HECTD4: variants seen among roughly 807,000 people sequenced by gnomAD.
The protein encoded by HECTD4 is HECT domain E3 ubiquitin protein ligase 4.
HECTD4 carries 114 observed loss-of-function variants against 471.5 expected under a neutral mutation model. The observed-to-expected ratio is 0.24, with a 90% CI of 0.21 to 0.28. The LOEUF (loss-of-function observed/expected upper bound fraction) is 0.28. Ranked by LOEUF, HECTD4 falls within the 10% of genes least tolerant of loss-of-function variation. HECTD4 has a pLI of 1.00. For missense variants in HECTD4, 3,866 were observed against 5,651.5 expected (o/e 0.68, Z 10.13); for synonymous variants, 2,012 against 2,256.0 (o/e 0.89, Z 3.07).
At chr12:112,241,142 T>C (rs554632746) in intron 32 of HECTD4, among the ~76,000 whole-genome samples, 4 of 152,320 alleles carry the variant, frequency 2.6e-5, no homozygotes, top group African/African-American at 4.8e-5. Context: ...GGTGTACTTG[T>C]AGGTGATTTT....
At position 112,194,651 on chromosome 12, in the gene HECTD4, T is replaced by C. The variant is rs1461302424; in HGVS notation, c.8749+234A>G. ...TAATTTTCCTTGATCCACAATTACGTTGGGAAACTTGATGAATGCTTAACA... is the reference window on the plus strand; with the variant it reads ...TAATTTTCCTTGATCCACAATTACGCTGGGAAACTTGATGAATGCTTAACA... On this transcript the variant is annotated intron_variant, in intron 56 of 75. Transcript: ENST00000682272. The surrounding 1 kb of genome is among the most constrained non-coding windows in gnomAD (Gnocchi z 4.6). 2.0e-5 allele frequency among the ~76,000 whole-genome samples: 3 copies of C among 152,360 alleles called. No homozygotes were observed. Among genetic ancestry groups the C allele is most frequent in the East Asian group, 1.9e-4 (1 of 5,194 alleles).
intron 32 of HECTD4, among the ~76,000 whole-genome samples, chr12:112,242,016 AT>A (rs2033652375): frequency 1.3e-5 from 2 of 152,146 alleles, no homozygotes; most frequent in African/African-American, 4.8e-5. Flanking sequence ...AGAGAAATGC[AT>A]TTTCTATTTC....
chr12:112,163,553 C>T lies in HECTD4; in HGVS notation c.12886G>A (p.Glu4296Lys), dbSNP rs1207183924. 2 of 1,471,238 alleles carry T rather than the reference C, an allele frequency of 1.4e-6. No individual in the cohort carries two copies. Among genetic ancestry groups the T allele is most frequent in the East Asian group, 2.5e-5 (1 of 39,672 alleles). The allele number at this position is 1,471,238 out of a possible 1,614,324, so 91.1% of individuals were successfully genotyped here. The change falls in exon 74 of 76, where the codon GAG (glutamate) becomes AAG (lysine). Residue 4296 changes from glutamate to lysine, a missense_variant. By Grantham distance (56) the Glu-to-Lys change is moderately conservative. Coordinates refer to ENST00000682272, the MANE Select transcript of HECTD4 (RefSeq NM_001388303.1). This position sits in a 1 kb window ranked among gnomAD's most constrained non-coding sequence, Gnocchi z 8.2. The stretch of plus-strand genomic sequence containing the variant: ...CCTGGGATGTCTACCTTGAGGAACT[C>T]GAGGTTGATGTAGGGGAGGCCGCAG... ...RTCGLPYINL[E>K]FLKAHTMYQV...
At chr12:112,307,375 T>C (rs188170048) in intron 6 of HECTD4, among the ~76,000 whole-genome samples, 11 of 152,352 alleles carry the variant, frequency 7.2e-5, no homozygotes, top group African/African-American at 1.4e-4. Flanking sequence ...AAGTGCTCCA[T>C]TGCAATGCAC....
intron 50 of HECTD4, 96 bp from the exon 51 acceptor site, chr12:112,208,726 G>C: frequency 8.8e-7 from 1 of 1,132,170 alleles, no homozygotes; most frequent in Middle Eastern, 2.1e-4. Context: ...ATCTTAATTT[G>C]CATGATAGGA....
chr12:112,190,717 T>A, intron 60 of HECTD4, 69 bp downstream of exon 60: 1 of 1,444,806 alleles, frequency 6.9e-7, no homozygotes, highest in Non-Finnish European at 9.3e-7. Context: ...CCTGGCAAGC[T>A]CCTTCCTCAG....
At chr12:112,310,171 T>C (rs1203177086) in intron 4 of HECTD4, among the ~76,000 whole-genome samples, 1 of 152,186 alleles carries the variant, frequency 6.6e-6, no homozygotes, top group African/African-American at 2.4e-5. Flanking sequence ...GTTACAGTGA[T>C]GGCCAGATGA....
chr12:112,227,450 A>C (rs1049916962), intron 43 of HECTD4, among the ~76,000 whole-genome samples: 4 of 151,730 alleles, frequency 2.6e-5, no homozygotes, highest in Non-Finnish European at 5.9e-5. Context: ...ACACAGCAAG[A>C]CTCTGTGTCC....
intron 4 of HECTD4, 114 bp downstream of exon 4, chr12:112,312,903 A>T: frequency 1.3e-6 from 1 of 771,678 alleles, no homozygotes; most frequent in Non-Finnish European, 2.0e-6. Context: ...AGAAATCTGG[A>T]GCTCTTAATT....
chr12:112,278,245 G>A (rs1384955670), intron 9 of HECTD4, among the ~76,000 whole-genome samples: 2 of 152,024 alleles, frequency 1.3e-5, no homozygotes, highest in Non-Finnish European at 2.9e-5. Flanking sequence ...TTTCTTTTTG[G>A]GGTGACGGAT....
intron 45 of HECTD4, among the ~76,000 whole-genome samples, chr12:112,218,269 ATGGGGTAAG>A (rs367887188): frequency 1.3e-5 from 2 of 152,204 alleles, no homozygotes; most frequent in African/African-American, 4.8e-5. Context: ...GTATATATTT[ATGGGGTAAG>A]TCAATGGTTT....
At chr12:112,377,455 C>A (rs1302634599) in intron 1 of HECTD4, among the ~76,000 whole-genome samples, 1 of 152,174 alleles carries the variant, frequency 6.6e-6, no homozygotes, top group Non-Finnish European at 1.5e-5. Flanking sequence ...ATTTTATCCA[C>A]TGCTATATCC....
At chr12:112,216,717 C>A in intron 47 of HECTD4, 56 bp downstream of exon 47, 1 of 1,590,220 alleles carries the variant, frequency 6.3e-7, no homozygotes, top group Non-Finnish European at 8.6e-7. Flanking sequence ...AACACCTATA[C>A]ACACCTTGTG....
intron 54 of HECTD4, chr12:112,201,064 C>T (rs533384176): frequency 1.9e-6 from 1 of 527,818 alleles, no homozygotes; most frequent in South Asian, 1.6e-5. Flanking sequence ...AAGAAAATAA[C>T]AAAATAACAA....
At chr12:112,238,778 T>C (rs960355128) in intron 34 of HECTD4, among the ~76,000 whole-genome samples, 1 of 152,162 alleles carries the variant, frequency 6.6e-6, no homozygotes, top group African/African-American at 2.4e-5. Context: ...CTAGCAGTAT[T>C]GACAAGGAGA....
chr12:112,176,786 T>G, intron 64 of HECTD4, 84 bp from the exon 65 acceptor site: 2 of 1,041,954 alleles, frequency 1.9e-6, no homozygotes, highest in Non-Finnish European at 1.5e-6. Context: ...AGTCATTCAT[T>G]CCTGCTCCCT....
At position 112,170,071 on chromosome 12, in the gene HECTD4, A is replaced by G. The variant is rs1593889831; in HGVS notation, c.12052+262T>C. ...TGGAATCCCCATTTTTGGCAGGCAC[A>G]TGGCTGATCAGAGCAAAGCCTGCCC... On this transcript the variant is annotated intron_variant, in intron 69 of 75. Transcript: ENST00000682272. 8.9e-6 allele frequency: 5 copies of G among 564,768 alleles called. No homozygotes were observed. In the East Asian group the frequency reaches 9.1e-5, roughly 10 times the overall value. The allele number at this position is 564,768 out of a possible 1,614,324, so 35.0% of individuals were successfully genotyped here. A position where few individuals can be genotyped will look rare whatever the true frequency, so the allele number is the denominator to read the frequency against.
rs1358170684 is a variant in HECTD4, at chr12:112,235,427, C to T, written c.5725+77G>A. 4 of 1,523,674 alleles carry T rather than the reference C, an allele frequency of 2.6e-6. No homozygotes were observed. The African/African-American group carries it at 5.5e-5, about 21-fold the overall frequency. The allele number at this position is 1,523,674 out of a possible 1,614,324, so 94.4% of individuals were successfully genotyped here. On this transcript the variant is annotated intron_variant, in intron 36 of 75. Transcript: ENST00000682272. This position sits in a 1 kb window ranked among gnomAD's most constrained non-coding sequence, Gnocchi z 5.0. ...TCACTCACTCTTTCATCATAGGAAGCACAGATGCAAGGGGGACCTGACTGG... is the reference window on the plus strand; with the variant it reads ...TCACTCACTCTTTCATCATAGGAAGTACAGATGCAAGGGGGACCTGACTGG...
intron 11 of HECTD4, among the ~76,000 whole-genome samples, chr12:112,272,814 T>C (rs1267424506): frequency 1.3e-5 from 2 of 152,214 alleles, no homozygotes; most frequent in Admixed American, 1.3e-4. Flanking sequence ...TTACTGACAA[T>C]GCTACTGGAC....
Sources: gnomAD v4.1 joint callset for allele counts (sites outside exome capture counted in the v4.1 genomes callset) on GRCh38, gnomAD v4.1.1 for gene constraint, Gnocchi (gnomAD v3.1) non-coding constraint, MANE v1.5 for transcripts, NCBI Gene and HGNC (gene_info 2026-07-23, HGNC 2026-07-21) for gene names.